Variants in C4orf50 observed in about 807,000 individuals in gnomAD.
The protein encoded by C4orf50 is chromosome 4 open reading frame 50.
C4orf50 carries 80 observed loss-of-function variants against 77.2 expected under a neutral mutation model. That is an observed-to-expected ratio of 1.04 (90% CI 0.87 to 1.25). The LOEUF is 1.25. Among genes scored for constraint, C4orf50 ranks in the 50% most tolerant of loss-of-function variants. The pLI is 0.00. For synonymous variants in C4orf50, 532 were observed against 465.3 expected (o/e 1.14, Z -1.84); for missense variants, 1,257 against 1,152.9 (o/e 1.09, Z -1.31).
At chr4:5,985,556 T>G (rs1475808450) in intron 28 of C4orf50, among the ~76,000 whole-genome samples, 1 of 148,550 alleles carries the variant, frequency 6.7e-6, no homozygotes. Flanking sequence ...TACTAAAACA[T>G]AAGCTAATGG....
intron 29 of C4orf50, 55 bp downstream of exon 7, chr4:5,980,118 GC>G: frequency 6.8e-7 from 1 of 1,469,480 alleles, no homozygotes; most frequent in South Asian, 1.4e-5. Context: ...CTCCCAAAAC[GC>G]CCCGGGGTGT....
intron 31 of C4orf50, among the ~76,000 whole-genome samples, chr4:5,969,980 G>A (rs981678040): frequency 6.6e-6 from 1 of 152,068 alleles, no homozygotes; most frequent in Non-Finnish European, 1.5e-5. Flanking sequence ...CCAGTGCTGT[G>A]TCCCAGGTGA....
intron 7 of C4orf50, among the ~76,000 whole-genome samples, chr4:5,926,163 T>C (rs1717503206): frequency 1.3e-5 from 2 of 152,158 alleles, no homozygotes; most frequent in Non-Finnish European, 2.9e-5. Context: ...ACACTCATAA[T>C]AGTCAAAAAA....
chr4:5,979,759 A>G (rs1376481490), intron 29 of C4orf50, among the ~76,000 whole-genome samples: 1 of 152,244 alleles, frequency 6.6e-6, no homozygotes, highest in African/African-American at 2.4e-5. Flanking sequence ...AATGGCCACA[A>G]TTCACTGATC....
intron 25 of C4orf50, among the ~76,000 whole-genome samples, chr4:6,004,655 G>A (rs1408716634): frequency 7.3e-6 from 1 of 136,152 alleles, no homozygotes; most frequent in South Asian, 2.6e-4. Flanking sequence ...GGTGATTATG[G>A]TGATGATGTG....
At chr4:5,988,363 A>G (rs1309057204) in exon 28 of C4orf50, 2 of 1,614,042 alleles carry the variant, frequency 1.2e-6, no homozygotes, top group Non-Finnish European at 8.5e-7. Context: ...GCCATTGCTC[A>G]GGGAGCTCAG....
chr4:5,931,652 G>A (rs910088280), intron 7 of C4orf50, among the ~76,000 whole-genome samples: 2 of 152,118 alleles, frequency 1.3e-5, no homozygotes, highest in African/African-American at 4.8e-5. Flanking sequence ...GCCATCAGCA[G>A]CCCTTGTGAT....
Position 5,901,232 on chromosome 4 carries a change from C to T in C4orf50, c.*2475-3044G>A, listed in dbSNP as rs967895217. On this transcript the variant is annotated intron_variant, in intron 7 of 7. Transcript: ENST00000324058. This position sits in a 1 kb window ranked among gnomAD's most constrained non-coding sequence, Gnocchi z 4.4. ...ACAGATCACCTTGTTCATAATGGCACACAGTAGGTGTATAATAAATGTGCA... is the reference window on the plus strand; with the variant it reads ...ACAGATCACCTTGTTCATAATGGCATACAGTAGGTGTATAATAAATGTGCA... The T allele has an allele frequency of 6.6e-6, 1 of 152,240 alleles. No homozygotes were observed. The highest frequency in any genetic ancestry group is 1.5e-5 in the Non-Finnish European group (1 of 68,048). 9.4% of individuals were successfully genotyped at this position (152,240 alleles called of 1,614,324 possible).
At chr4:5,965,090 A>G in exon 33 of C4orf50, 1 of 1,613,866 alleles carries the variant, frequency 6.2e-7, no homozygotes, top group Non-Finnish European at 8.5e-7. Flanking sequence ...AGGACTCTGA[A>G]GACAATGAGC....
chr4:5,938,295 A>G (rs953151163), intron 7 of C4orf50, among the ~76,000 whole-genome samples: 38 of 152,336 alleles, frequency 2.5e-4, no homozygotes, highest in African/African-American at 8.9e-4. Flanking sequence ...CATATTAAGA[A>G]TTTGAAAGTA....
At position 5,988,661 on chromosome 4, in the gene C4orf50, C is replaced by G. The variant is rs560872212; in HGVS notation, c.3385G>C (p.Ala1129Pro). The G allele has an allele frequency of 7.8e-6, 12 of 1,536,090 alleles. No homozygotes were observed. The African/African-American group carries it at 1.5e-4, about 19-fold the overall frequency. ...GTCACCTGCACCTCTTTGTCTAGAG[C>G]GTGCATCTTGGCTTTTCCCTGGAGG... Residue 1129 changes from alanine (A) to proline (P), a missense_variant, in exon 28 of 34, where the codon GCT becomes CCT. Transcript: ENST00000531445.
chr4:5,927,205 T>C (rs10019824), intron 7 of C4orf50, among the ~76,000 whole-genome samples: 7,182 of 152,094 alleles, frequency 0.047, 503 homozygotes, highest in African/African-American at 0.15. Context: ...AGAGACACTG[T>C]GGAATCAGGG....
In C4orf50 at chr4:6,009,542, T is replaced by C. The variant is rs1267236016; in HGVS notation, c.427-1010A>G. The stretch of plus-strand genomic sequence containing the variant: ...TTCTCCTGGTCTTCCTGAAGGCGTG[T>C]ATTCTGTAATGATCTTTGCATGGTG... On this transcript the variant is annotated intron_variant, in intron 24 of 33. Coordinates refer to ENST00000531445, the Ensembl canonical transcript of C4orf50. This position sits in a 1 kb window ranked among gnomAD's most constrained non-coding sequence, Gnocchi z 5.6. 2.0e-5 allele frequency among the ~76,000 whole-genome samples: 3 copies of C among 152,188 alleles called. No individual in the cohort carries two copies. The highest frequency in any genetic ancestry group is 7.2e-5 in the African/African-American group (3 of 41,444).
At chr4:5,980,408 G>T (rs6838551) in intron 28 of C4orf50, 70 bp from the exon 7 acceptor site, 356,024 of 1,420,708 alleles carry the variant, frequency 0.25, 50,052 homozygotes, top group African/African-American at 0.61. Flanking sequence ...GCCAACAAAC[G>T]GTACCCGTTT....
chr4:5,968,600 T>C (rs1719717358), intron 31 of C4orf50, among the ~76,000 whole-genome samples: 1 of 152,168 alleles, frequency 6.6e-6, no homozygotes, highest in Admixed American at 6.5e-5. Flanking sequence ...CTTGAGACCT[T>C]CACTCTATCC....
At position 5,937,480 on chromosome 4, in the gene C4orf50, C is replaced by G. The variant is rs916198013; in HGVS notation, c.*2474+19421G>C. Among the ~76,000 whole-genome samples the G allele has an allele frequency of 2.0e-5, 3 of 152,178 alleles. No individual in the cohort carries two copies. In the South Asian group the frequency reaches 6.2e-4, roughly 32 times the overall value. ...ATACAAAGCAAGAAAAGTGAAAAAT[C>G]AGAAGCATAGCAAAGGCAGGGTAAA... On this transcript the variant is annotated intron_variant, in intron 7 of 7. Transcript: ENST00000324058.
chr4:5,941,881 C>T (rs544214942), intron 7 of C4orf50, among the ~76,000 whole-genome samples: 11 of 152,264 alleles, frequency 7.2e-5, no homozygotes, highest in Middle Eastern at 6.8e-3. Context: ...CTCCTTGGGG[C>T]GGTAGGTTCC....
chr4:5,938,975 C>G (rs1718151452), intron 7 of C4orf50, among the ~76,000 whole-genome samples: 1 of 152,174 alleles, frequency 6.6e-6, no homozygotes, highest in African/African-American at 2.4e-5. Context: ...GGCTCAGTGG[C>G]TCATGCCTGT....
intron 7 of C4orf50, among the ~76,000 whole-genome samples, chr4:5,940,342 T>G (rs1010525843): frequency 2.6e-5 from 4 of 152,204 alleles, no homozygotes; most frequent in Non-Finnish European, 5.9e-5. Context: ...ACTATTATGG[T>G]TTTCCTAGAA....
Sources: allele counts gnomAD v4.1 joint callset (sites outside exome capture counted in the v4.1 genomes callset), GRCh38; gene constraint gnomAD v4.1.1; non-coding constraint Gnocchi (gnomAD v3.1); transcripts MANE v1.5; gene names NCBI Gene and HGNC (gene_info 2026-07-23, HGNC 2026-07-21).